The following CRPPA variants were observed in gnomAD, a reference collection of about 807,000 sequenced individuals.
CRPPA encodes the protein CDP-L-ribitol pyrophosphorylase A.
A neutral mutation model predicts 52.0 loss-of-function variants in CRPPA; 43 were observed. The ratio of observed to expected loss-of-function variants is 0.83; its 90% CI spans 0.65 to 1.07. CRPPA has a LOEUF of 1.07. Ranked by LOEUF, CRPPA falls within the 50% of genes least tolerant of loss-of-function variation. CRPPA has a pLI of 0.00. For missense variants in CRPPA, 629 were observed against 551.7 expected, an observed-to-expected ratio of 1.14 and a Z score of -1.40; for synonymous variants, 250 against 203.5, an observed-to-expected ratio of 1.23 and a Z score of -1.94.
chr7:16,278,888 T>C (rs945050158), intron 5 of CRPPA, among the ~76,000 whole-genome samples: 4 of 152,314 alleles, frequency 2.6e-5, no homozygotes, highest in African/African-American at 7.2e-5. Flanking sequence ...TCCTCCTCTA[T>C]AGCAGGCAAA....
rs190616086 is a variant in CRPPA at position 16,318,645 on chromosome 7, C to T, written c.685-10018G>A. 2.5e-4 allele frequency among the ~76,000 whole-genome samples: 38 copies of T among 152,238 alleles called. 1 individual carries two copies. The East Asian group carries it at 7.0e-3, about 28-fold the overall frequency. On this transcript the variant is annotated intron_variant, in intron 3 of 9. Coordinates refer to ENST00000407010, the MANE Select transcript of CRPPA (RefSeq NM_001101426.4). Reference sequence around the variant, plus strand: ...TCTGCTCCTTGGGTTTACTCTGCAGCTCAGACTGGAGGGGCAGCAACCAAC... The same window carrying T: ...TCTGCTCCTTGGGTTTACTCTGCAGTTCAGACTGGAGGGGCAGCAACCAAC...
chr7:16,386,048 C>T (rs1223301889), intron 2 of CRPPA, among the ~76,000 whole-genome samples: 1 of 152,172 alleles, frequency 6.6e-6, no homozygotes, highest in Admixed American at 6.5e-5. Context: ...GTATCCAGGT[C>T]CCTGTCCAGT....
intron 2 of CRPPA, among the ~76,000 whole-genome samples, chr7:16,387,050 TATA>T (rs1562671340): frequency 4.1e-5 from 1 of 24,458 alleles, no homozygotes; most frequent in Non-Finnish European, 9.8e-5. Flanking sequence ...AAAAGATATA[TATA>T]TATATATATA....
chr7:16,089,243 C>CAT lies in CRPPA; in HGVS notation c.*2450_*2451dup, dbSNP rs760783203. 7 of 371,434 alleles carry CAT rather than the reference C, an allele frequency of 1.9e-5. No individual in the cohort carries two copies. The East Asian group carries it at 4.6e-4, about 24-fold the overall frequency. 23.0% of individuals were successfully genotyped at this position (371,434 alleles called of 1,614,324 possible). A position where few individuals can be genotyped will look rare whatever the true frequency, so the allele number is the denominator to read the frequency against. On this transcript the variant is annotated 3_prime_UTR_variant, in exon 10 of 10. Transcript: ENST00000407010. ...ATATGTGTGTATGCGTACGTATATA[C>CAT]ATATATGTGTGTATGCGTACGTATA...
intron 2 of CRPPA, among the ~76,000 whole-genome samples, chr7:16,396,667 C>T (rs535316129): frequency 2.0e-5 from 3 of 152,346 alleles, no homozygotes; most frequent in Non-Finnish European, 4.4e-5. Flanking sequence ...AAACATGGAA[C>T]CAGCCCAAAT....
chr7:16,363,828 C>T (rs993269874), intron 3 of CRPPA, among the ~76,000 whole-genome samples: 1 of 152,092 alleles, frequency 6.6e-6, no homozygotes, highest in Non-Finnish European at 1.5e-5. Context: ...AGAAAACTTA[C>T]AATTCAAATA....
intron 9 of CRPPA, among the ~76,000 whole-genome samples, chr7:16,185,422 A>T (rs1781486534): frequency 6.6e-6 from 1 of 152,176 alleles, no homozygotes; most frequent in Non-Finnish European, 1.5e-5. Flanking sequence ...GGACACAGCC[A>T]AACCATATCA....
intron 9 of CRPPA, among the ~76,000 whole-genome samples, chr7:16,204,753 A>C (rs987631316): frequency 1.3e-5 from 2 of 152,220 alleles, no homozygotes; most frequent in African/African-American, 4.8e-5. Context: ...GCACCAAGTA[A>C]AACTGAAAAG....
chr7:16,183,697 A>G (rs912550674), intron 9 of CRPPA, among the ~76,000 whole-genome samples: 1 of 152,100 alleles, frequency 6.6e-6, no homozygotes, highest in Non-Finnish European at 1.5e-5. Flanking sequence ...CCTATGGTAT[A>G]GGCAATTGAA....
chr7:16,354,868 A>C (rs905257020), intron 3 of CRPPA, among the ~76,000 whole-genome samples: 4 of 152,168 alleles, frequency 2.6e-5, no homozygotes, highest in African/African-American at 9.7e-5. Context: ...GCATGTATGT[A>C]AAAAACATAT....
At position 16,089,673 on chromosome 7, in the gene CRPPA, A is replaced by C. The variant is rs1468930900; in HGVS notation, c.*2022T>G. ...AATGCTGTGAATTGCTTTGCCTGCT[A>C]TGAAGGACCAAATGCTATTTTTTCC... On this transcript the variant is annotated 3_prime_UTR_variant, in exon 10 of 10. Coordinates refer to ENST00000407010, the MANE Select transcript of CRPPA (RefSeq NM_001101426.4). 2 of 199,414 alleles carry C rather than the reference A, an allele frequency of 1.0e-5. No individual in the cohort carries two copies. The highest frequency in any genetic ancestry group is 2.2e-5 in the Non-Finnish European group (2 of 91,698). 12.4% of individuals were successfully genotyped at this position (199,414 alleles called of 1,614,324 possible).
In CRPPA at chr7:16,398,530, C is replaced by G. The variant is rs912171010; in HGVS notation, c.534+7531G>C. Among the ~76,000 whole-genome samples, 8 of 152,110 alleles carry G rather than the reference C, an allele frequency of 5.3e-5. No individual in the cohort carries two copies. The East Asian group carries it at 9.7e-4, about 18-fold the overall frequency. On this transcript the variant is annotated intron_variant, in intron 2 of 9. Coordinates refer to ENST00000407010, the MANE Select transcript of CRPPA (RefSeq NM_001101426.4). ...TGATTGGCATAGGTCCAAAATGTGA[C>G]AAATGATCGACATAAGTGACACGTG...
At chr7:16,325,725 T>C (rs1279216568) in intron 3 of CRPPA, among the ~76,000 whole-genome samples, 2 of 152,092 alleles carry the variant, frequency 1.3e-5, no homozygotes, top group Admixed American at 6.5e-5. Flanking sequence ...CCATAATGGC[T>C]CATCATCTGC....
intron 9 of CRPPA, among the ~76,000 whole-genome samples, chr7:16,142,887 A>G (rs1782900776): frequency 6.6e-6 from 1 of 152,224 alleles, no homozygotes; most frequent in African/African-American, 2.4e-5. Context: ...AAAGTTTGTA[A>G]TAACAATTCA....
intron 9 of CRPPA, among the ~76,000 whole-genome samples, chr7:16,122,921 T>C (rs1000556891): frequency 5.9e-5 from 9 of 152,036 alleles, no homozygotes; most frequent in Admixed American, 1.3e-4. Context: ...CTTTATAGCA[T>C]GTTAACCTTT....
Position 16,317,681 on chromosome 7 carries a change from G to A in CRPPA, c.685-9054C>T, listed in dbSNP as rs555757192. On this transcript the variant is annotated intron_variant, in intron 3 of 9. Transcript: ENST00000407010. ...GGACACAGGGTTTTTTCCATATCTCGACTACTGTGAACAATGCATCAATGA... is the reference window on the plus strand; with the variant it reads ...GGACACAGGGTTTTTTCCATATCTCAACTACTGTGAACAATGCATCAATGA... 9.5e-4 allele frequency among the ~76,000 whole-genome samples: 144 copies of A among 152,170 alleles called. 1 individual carries two copies. The highest frequency in any genetic ancestry group is 3.4e-3 in the African/African-American group (140 of 41,536).
At chr7:16,169,020 A>T (rs1250156402) in intron 9 of CRPPA, among the ~76,000 whole-genome samples, 3 of 152,198 alleles carry the variant, frequency 2.0e-5, no homozygotes, top group African/African-American at 7.2e-5. Flanking sequence ...AGGAAAGTTT[A>T]TGAATGTAAG....
At chr7:16,209,091 T>G in intron 9 of CRPPA, 1 of 372,296 alleles carries the variant, frequency 2.7e-6, no homozygotes, top group Non-Finnish European at 5.3e-6. Context: ...GTGGCTCTGG[T>G]GGGCAGACTA....
intron 8 of CRPPA, among the ~76,000 whole-genome samples, chr7:16,233,630 T>C (rs1393426777): frequency 2.0e-5 from 3 of 152,182 alleles, no homozygotes; most frequent in Non-Finnish European, 4.4e-5. Flanking sequence ...TACAATGATG[T>C]ATACCATCTC....
Sources: allele counts gnomAD v4.1 joint callset (sites outside exome capture counted in the v4.1 genomes callset), GRCh38; gene constraint gnomAD v4.1.1; transcripts MANE v1.5; gene names NCBI Gene and HGNC (gene_info 2026-07-23, HGNC 2026-07-21).